The following CLPB variants were observed in gnomAD, a reference collection of about 807,000 sequenced individuals.
The protein encoded by CLPB is ClpB family mitochondrial disaggregase.
A neutral mutation model predicts 78.4 loss-of-function variants in CLPB; 40 were observed. The observed-to-expected ratio is 0.51, with a 90% CI of 0.40 to 0.66. The LOEUF (loss-of-function observed/expected upper bound fraction) is 0.66, where lower values mean the gene tolerates loss of function less well. Ranked by LOEUF, CLPB falls within the 30% of genes least tolerant of loss-of-function variation. CLPB has a pLI of 0.00. For synonymous variants in CLPB, 333 were observed against 348.0 expected, an observed-to-expected ratio of 0.96 and a Z score of 0.48; for missense variants, 780 against 886.9, an observed-to-expected ratio of 0.88 and a Z score of 1.53.
chr11:72,420,509 A>C (rs1012323678), intron 2 of CLPB, among the ~76,000 whole-genome samples: 1 of 152,170 alleles, frequency 6.6e-6, no homozygotes, highest in Non-Finnish European at 1.5e-5. Flanking sequence ...AAAAAAAAAA[A>C]AACTTTCAAT....
chr11:72,307,483 G>C (rs1949766415), intron 8 of CLPB, among the ~76,000 whole-genome samples: 1 of 152,162 alleles, frequency 6.6e-6, no homozygotes, highest in Non-Finnish European at 1.5e-5. Context: ...GATTGGGATT[G>C]AGGCCTTTTC....
chr11:72,349,821 A>G (rs996253194), intron 5 of CLPB, among the ~76,000 whole-genome samples: 3 of 152,238 alleles, frequency 2.0e-5, no homozygotes, highest in Non-Finnish European at 4.4e-5. Flanking sequence ...TTCCAGGCTC[A>G]GTGCAGGTGG....
intron 2 of CLPB, among the ~76,000 whole-genome samples, chr11:72,417,900 T>C (rs912929979): frequency 1.3e-5 from 2 of 152,158 alleles, no homozygotes; most frequent in African/African-American, 4.8e-5. Context: ...TCCGGGGGCC[T>C]CCCTCAATTG....
rs1171175820 is a variant in CLPB at position 72,288,256 on chromosome 11, G to C, written c.*5111C>G. The C allele has an allele frequency of 6.6e-6, 1 of 152,188 alleles. No individual in the cohort carries two copies. The highest frequency in any genetic ancestry group is 1.5e-5 in the Non-Finnish European group (1 of 68,040). 9.4% of individuals were successfully genotyped at this position (152,188 alleles called of 1,614,324 possible). A position where few individuals can be genotyped will look rare whatever the true frequency, so the allele number is the denominator to read the frequency against. ...TAATCTCAGCACTCTGGGAGGCCAA[G>C]GTGGGTGGATCACTTGAGACCAGGA... is the stretch of plus-strand genomic sequence containing the variant. On this transcript the variant is annotated 3_prime_UTR_variant, in exon 16 of 16. Coordinates refer to ENST00000538039, the MANE Select transcript of CLPB (RefSeq NM_001258392.3).
At chr11:72,296,637 C>T (rs545015027) in intron 11 of CLPB, among the ~76,000 whole-genome samples, 1 of 152,314 alleles carries the variant, frequency 6.6e-6, no homozygotes, top group South Asian at 2.1e-4. Flanking sequence ...ATGCCGAACA[C>T]GGACAGGGAC....
chr11:72,296,303 G>A (rs1002654312), intron 11 of CLPB, among the ~76,000 whole-genome samples: 1 of 152,190 alleles, frequency 6.6e-6, no homozygotes, highest in Non-Finnish European at 1.5e-5. Context: ...TGGAGCTGCC[G>A]CCTGGCCTAA....
chr11:72,351,258 C>T (rs1565455123), intron 5 of CLPB: 3 of 152,192 alleles, frequency 2.0e-5, no homozygotes, highest in Non-Finnish European at 4.4e-5. Flanking sequence ...AGTGCTGTGA[C>T]CTCTTTGCCA....
rs773061628 is a variant in CLPB at position 72,329,708 on chromosome 11, T to G, written c.872A>C (p.Lys291Thr). The G allele has an allele frequency of 6.2e-7, 1 of 1,610,968 alleles. No homozygotes were observed. Among genetic ancestry groups the G allele is most frequent in the Non-Finnish European group, 8.5e-7 (1 of 1,177,280 alleles). Residue 291 changes from lysine to threonine, a missense_variant and splice_region_variant, in exon 6 of 16, where the codon AAG becomes ACG. Physicochemically the swap from Lys to Thr is moderately conservative, Grantham distance 78. Coordinates refer to ENST00000538039, the MANE Select transcript of CLPB (RefSeq NM_001258392.3). The stretch of plus-strand genomic sequence containing the variant: ...CCTCCTCCCTTCCCTGAGACTTACC[T>G]TGGCTTCAGAAGTCCTCAGAAGCTT... ...VMKLLRTSEA[K>T]YQEKQRKREA...
chr11:72,419,184 T>C (rs977922102), intron 2 of CLPB, among the ~76,000 whole-genome samples: 1 of 152,224 alleles, frequency 6.6e-6, no homozygotes, highest in Non-Finnish European at 1.5e-5. Context: ...GGAAAATTCC[T>C]TGGGAGAAAA....
At chr11:72,402,884 G>T in intron 3 of CLPB, 82 bp downstream of exon 3, 2 of 1,121,182 alleles carry the variant, frequency 1.8e-6, no homozygotes, top group Non-Finnish European at 1.3e-6. Context: ...CAGCAGGGAG[G>T]CACACCAGGT....
intron 4 of CLPB, chr11:72,373,118 T>A: frequency 2.2e-6 from 2 of 928,286 alleles, no homozygotes; most frequent in Non-Finnish European, 3.4e-6. Context: ...TTCCAAGCCC[T>A]CTACCCCCAG....
At chr11:72,380,452 G>T in intron 3 of CLPB, 68 bp from the exon 4 acceptor site, 2 of 1,271,264 alleles carry the variant, frequency 1.6e-6, no homozygotes, top group African/African-American at 1.5e-5. Flanking sequence ...ACCCAGATCC[G>T]GAAGCATGTT....
At position 72,294,093 on chromosome 11, in the gene CLPB, C is replaced by A; in HGVS notation, c.1714G>T (p.Asp572Tyr). The change falls in exon 15 of 16, where the codon GAC becomes TAC. Residue 572 changes from aspartate (D) to tyrosine (Y), a missense_variant. This residue lies in a region of CLPB where 272 missense variants were observed against 304.0 expected (regional missense o/e 0.89). Transcript: ENST00000538039. Reference sequence around the variant, plus strand: ...ACCAGCACATCTGCCACCTCGCGGTCCCAGAGCAGCGTGATGTTGTGCCTT... The same window carrying A: ...ACCAGCACATCTGCCACCTCGCGGTACCAGAGCAGCGTGATGTTGTGCCTT... ...KQRHNITLLW[D>Y]REVADVLVDG... 1 of 1,614,146 alleles carries A rather than the reference C, an allele frequency of 6.2e-7. No individual in the cohort carries two copies. The highest frequency in any genetic ancestry group is 8.5e-7 in the Non-Finnish European group (1 of 1,180,016).
rs141026456 is a variant in CLPB at position 72,327,289 on chromosome 11, T to C, written c.873+2418A>G. Among the ~76,000 whole-genome samples the C allele has an allele frequency of 2.9e-3, 439 of 152,338 alleles. 1 individual carries two copies. Among genetic ancestry groups the C allele is most frequent in the Non-Finnish European group, 5.1e-3 (344 of 68,024 alleles). On this transcript the variant is annotated intron_variant, in intron 6 of 15. Coordinates refer to ENST00000538039, the MANE Select transcript of CLPB (RefSeq NM_001258392.3). ...CTATGCTCTTCCTCTTCTGGCCAGA[T>C]GCCCTATTACCATCAGCTTTCTCTC...
Position 72,346,937 on chromosome 11 carries a change from C to T in CLPB, c.775+11943G>A, listed in dbSNP as rs374218447. ...CGGAGGTTGCGATGAGCCGAGATCA[C>T]GACATTGCACTCCAGCCTGGGTGAC... On this transcript the variant is annotated intron_variant, in intron 5 of 15. Transcript: ENST00000538039. Among the ~76,000 whole-genome samples the T allele has an allele frequency of 5.6e-5, 8 of 143,010 alleles. No individual in the cohort carries two copies. The South Asian group carries it at 8.8e-4, about 16-fold the overall frequency. 93.8% of individuals were successfully genotyped at this position (143,010 alleles called of 152,430 possible).
At chr11:72,371,962 A>G (rs1951050512) in intron 4 of CLPB, among the ~76,000 whole-genome samples, 1 of 152,156 alleles carries the variant, frequency 6.6e-6, no homozygotes, top group African/African-American at 2.4e-5. Flanking sequence ...ATTATTACTA[A>G]TTATTGTTCT....
At chr11:72,416,751 A>G (rs557703305) in intron 2 of CLPB, among the ~76,000 whole-genome samples, 43 of 151,846 alleles carry the variant, frequency 2.8e-4, no homozygotes, top group Admixed American at 1.2e-3. Flanking sequence ...AAAAAAAAAA[A>G]AAAAGAAAAA....
intron 5 of CLPB, among the ~76,000 whole-genome samples, chr11:72,357,668 C>T (rs1433375038): frequency 6.8e-6 from 1 of 146,634 alleles, no homozygotes; most frequent in African/African-American, 2.6e-5. Context: ...TGCACTCCAG[C>T]CTGGGCAACA....
At chr11:72,365,910 A>C (rs1950933728) in intron 4 of CLPB, among the ~76,000 whole-genome samples, 1 of 152,234 alleles carries the variant, frequency 6.6e-6, no homozygotes, top group South Asian at 2.1e-4. Context: ...AATCAACTCA[A>C]GATGGATTAA....
Sources: allele counts gnomAD v4.1 joint callset (sites outside exome capture counted in the v4.1 genomes callset), GRCh38; gene constraint gnomAD v4.1.1; regional missense constraint gnomAD v4.1.1; transcripts MANE v1.5; gene names NCBI Gene and HGNC (gene_info 2026-07-23, HGNC 2026-07-21).